The following LRBA variants were observed in gnomAD, a reference collection of about 807,000 sequenced individuals.
LRBA encodes LPS responsive beige-like anchor protein.
In LRBA, 176 loss-of-function variants were observed where a neutral mutation model predicts 330.0. The ratio of observed to expected loss-of-function variants is 0.53; its 90% CI spans 0.47 to 0.60. The LOEUF (loss-of-function observed/expected upper bound fraction) is 0.60, where lower values mean the gene tolerates loss of function less well. LRBA is among the 20% of genes least tolerant of loss of function. The pLI, the probability that LRBA is intolerant of heterozygous loss-of-function variation, is 0.00. For missense variants in LRBA, 3,259 were observed against 3,444.8 expected (o/e 0.95, Z 1.35); for synonymous variants, 1,230 against 1,193.0 (o/e 1.03, Z -0.64).
chr4:150,418,398 A>T (rs1195119185), intron 46 of LRBA, among the ~76,000 whole-genome samples: 1 of 152,180 alleles, frequency 6.6e-6, no homozygotes, highest in Non-Finnish European at 1.5e-5. Context: ...ATGGAGCAAA[A>T]CCACCCATAA....
chr4:150,636,740 T>C (rs532345254), intron 37 of LRBA, among the ~76,000 whole-genome samples: 3 of 152,304 alleles, frequency 2.0e-5, no homozygotes, highest in Non-Finnish European at 4.4e-5. Flanking sequence ...CTCAGCCTCC[T>C]AGGCTCAAGC....
intron 38 of LRBA, among the ~76,000 whole-genome samples, chr4:150,592,201 G>T (rs1167650925): frequency 2.3e-5 from 3 of 127,696 alleles, no homozygotes; most frequent in East Asian, 2.5e-4. Flanking sequence ...TAGGCATAAG[G>T]CCCAAACCCC....
intron 40 of LRBA, among the ~76,000 whole-genome samples, chr4:150,563,250 A>T (rs1166202640): frequency 6.6e-6 from 1 of 152,222 alleles, no homozygotes; most frequent in Non-Finnish European, 1.5e-5. Flanking sequence ...CTATGTTTTT[A>T]CACAAATCAA....
intron 40 of LRBA, among the ~76,000 whole-genome samples, chr4:150,565,521 A>G (rs1238939786): frequency 1.3e-5 from 2 of 152,168 alleles, no homozygotes; most frequent in Admixed American, 6.6e-5. Context: ...AAAAATGTAA[A>G]AAAAATAAAA....
intron 40 of LRBA, among the ~76,000 whole-genome samples, chr4:150,524,401 G>A (rs1763243408): frequency 6.6e-6 from 1 of 152,104 alleles, no homozygotes; most frequent in African/African-American, 2.4e-5. Flanking sequence ...CAGAAGAGTG[G>A]AGACAGGGTA....
At chr4:150,665,960 A>C (rs191189263) in intron 37 of LRBA, among the ~76,000 whole-genome samples, 2 of 152,244 alleles carry the variant, frequency 1.3e-5, no homozygotes, top group South Asian at 4.1e-4. Context: ...GAGTGAAAGA[A>C]GACAAAAAAG....
intron 37 of LRBA, among the ~76,000 whole-genome samples, chr4:150,636,420 T>G (rs1777918098): frequency 1.3e-5 from 2 of 152,198 alleles, no homozygotes; most frequent in Non-Finnish European, 1.5e-5. Context: ...TGATTCTTTT[T>G]CCTTCTTACA....
intron 40 of LRBA, among the ~76,000 whole-genome samples, chr4:150,567,028 C>T (rs571317059): frequency 1.4e-4 from 22 of 152,168 alleles, no homozygotes; most frequent in Non-Finnish European, 1.6e-4. Context: ...TTATGAACAG[C>T]ATGGATATAA....
At chr4:150,579,081 T>G (rs1447184838) in intron 40 of LRBA, 5 of 359,230 alleles carry the variant, frequency 1.4e-5, no homozygotes, top group East Asian at 7.3e-5. Context: ...GTCTGAAGAC[T>G]TGAAGTGGCT....
intron 37 of LRBA, among the ~76,000 whole-genome samples, chr4:150,680,860 G>A (rs1229154640): frequency 2.0e-5 from 3 of 152,134 alleles, no homozygotes; most frequent in African/African-American, 7.2e-5. Flanking sequence ...CAGCATTGCA[G>A]CCCACTGATC....
chr4:150,312,737 TTAA>T (rs747968580), intron 51 of LRBA, among the ~76,000 whole-genome samples: 7 of 152,112 alleles, frequency 4.6e-5, no homozygotes, highest in South Asian at 2.1e-4. Context: ...TATAGATTAC[TTAA>T]TAATAAACCA....
At chr4:150,362,377 G>A (rs933781299) in intron 47 of LRBA, among the ~76,000 whole-genome samples, 1 of 151,966 alleles carries the variant, frequency 6.6e-6, no homozygotes, top group African/African-American at 2.4e-5. Context: ...TATTCTATCG[G>A]TATCCAAACT....
chr4:150,795,482 C>T (rs1740654851), intron 34 of LRBA, among the ~76,000 whole-genome samples: 1 of 151,988 alleles, frequency 6.6e-6, no homozygotes, highest in Non-Finnish European at 1.5e-5. Flanking sequence ...ATCTTTGGAA[C>T]TTCAGTCATT....
chr4:150,907,007 T>C (rs1043174773), intron 11 of LRBA, among the ~76,000 whole-genome samples: 10 of 151,118 alleles, frequency 6.6e-5, no homozygotes, highest in Admixed American at 6.0e-4. Flanking sequence ...CTCCAGTCAG[T>C]CTCGAACACT....
At chr4:150,960,614 A>G (rs1316266767) in intron 2 of LRBA, among the ~76,000 whole-genome samples, 1 of 149,288 alleles carries the variant, frequency 6.7e-6, no homozygotes, top group East Asian at 1.9e-4. Flanking sequence ...CATTTGAGGG[A>G]GAGAGGCAGT....
Position 150,961,996 on chromosome 4 carries a change from G to T in LRBA, c.217-32931C>A, listed in dbSNP as rs939982808. ...AAGTAACTTGCCCAAGATCTCAGAG[G>T]CAAGAAGTGGTGCTGCTAGAATTTC... On this transcript the variant is annotated intron_variant, in intron 2 of 56. Transcript: ENST00000651943. Among the ~76,000 whole-genome samples the T allele has an allele frequency of 2.0e-4, 30 of 149,306 alleles. 5 individuals are homozygous for T. The highest frequency in any genetic ancestry group is 7.7e-4 in the African/African-American group (30 of 38,732).
chr4:150,361,368 TTA>T (rs113891185), intron 47 of LRBA, among the ~76,000 whole-genome samples: 2 of 152,312 alleles, frequency 1.3e-5, no homozygotes, highest in African/African-American at 4.8e-5. Flanking sequence ...CATTTCTTAT[TTA>T]TGTTTCCTTA....
rs78192588 is a variant in LRBA at position 150,359,410 on chromosome 4, C to T, written c.7195-9251G>A. Among the ~76,000 whole-genome samples, 307 of 152,036 alleles carry T rather than the reference C, an allele frequency of 2.0e-3. 8 individuals are homozygous for T. In the East Asian group the frequency reaches 0.049, roughly 24 times the overall value. ...GAGCCTTAATCAAGAAAGTAGCATC[C>T]GGAGTGAAGAGGGGACAGAGTTCAG... is the stretch of plus-strand genomic sequence containing the variant. On this transcript the variant is annotated intron_variant, in intron 47 of 56. Coordinates refer to ENST00000651943, the MANE Select transcript of LRBA (RefSeq NM_001364905.1).
chr4:150,824,826 G>A (rs1305348870), intron 30 of LRBA, among the ~76,000 whole-genome samples: 2 of 152,170 alleles, frequency 1.3e-5, no homozygotes, highest in Non-Finnish European at 2.9e-5. Flanking sequence ...CCAGGCTGGA[G>A]TGCAGTGGCA....
Sources: gnomAD v4.1 joint callset for allele counts (sites outside exome capture counted in the v4.1 genomes callset) on GRCh38, gnomAD v4.1.1 for gene constraint, MANE v1.5 for transcripts, NCBI Gene and HGNC (gene_info 2026-07-23, HGNC 2026-07-21) for gene names.